Variants in SLC5A7 observed in about 807,000 individuals in gnomAD.
SLC5A7 encodes the protein solute carrier family 5 member 7.
A neutral mutation model predicts 55.4 loss-of-function variants in SLC5A7; 19 were observed. The observed-to-expected ratio is 0.34, with a 90% CI of 0.24 to 0.50. The LOEUF (loss-of-function observed/expected upper bound fraction) is 0.50, where lower values mean the gene tolerates loss of function less well. Among genes scored for constraint, SLC5A7 ranks in the 20% least tolerant of loss-of-function variants. The pLI, the probability that SLC5A7 is intolerant of heterozygous loss-of-function variation, is 0.98. For missense variants in SLC5A7, 506 were observed against 705.3 expected (o/e 0.72, Z 3.20); for synonymous variants, 265 against 263.7 (o/e 1.00, Z -0.05).
intron 6 of SLC5A7, among the ~76,000 whole-genome samples, chr2:108,003,665 C>A (rs576400677): frequency 3.9e-5 from 6 of 152,254 alleles, no homozygotes; most frequent in African/African-American, 1.2e-4. Context: ...CCCATGTTTG[C>A]TCTCTATTAG....
Position 108,008,474 on chromosome 2 carries a change from A to G in SLC5A7, c.905A>G (p.Gln302Arg). 2 of 1,613,406 alleles carry G rather than the reference A, an allele frequency of 1.2e-6. No individual in the cohort carries two copies. Among genetic ancestry groups the G allele is most frequent in the Non-Finnish European group, 1.7e-6 (2 of 1,179,660 alleles). The change falls in exon 8 of 9, where the codon CAG becomes CGG. Residue 302 changes from glutamine to arginine, a missense_variant. By Grantham distance (43) the Gln-to-Arg change is conservative. Around this residue, in one of 4 missense-constraint regions of SLC5A7, gnomAD observed 309 missense variants for 478.6 expected, o/e 0.65. Transcript: ENST00000264047. Reference sequence around the variant, plus strand: ...TGATTCTGTTCAACAGACTGGAACCAGACTGCATATGGGCTTCCAGATCCC... The same window carrying G: ...TGATTCTGTTCAACAGACTGGAACCGGACTGCATATGGGCTTCCAGATCCC... The part of the protein sequence containing the change: ...GAIGASTDWN[Q>R]TAYGLPDPKT...
At position 108,011,588 on chromosome 2, in the gene SLC5A7, T is replaced by A. The variant is rs1431550922; in HGVS notation, c.*727T>A. ...TGCATAAACAACAGTACCTGAAGGA[T>A]TATTAAGCAACCTTAAAGCAATAAG... On this transcript the variant is annotated 3_prime_UTR_variant, in exon 9 of 9. Coordinates refer to ENST00000264047, the MANE Select transcript of SLC5A7 (RefSeq NM_021815.5). 2.0e-5 allele frequency: 3 copies of A among 152,166 alleles called. No homozygotes were observed. The highest frequency in any genetic ancestry group is 4.4e-5 in the Non-Finnish European group (3 of 68,030). The allele number at this position is 152,166 out of a possible 1,614,324, so 9.4% of individuals were successfully genotyped here.
rs370808911 is a variant in SLC5A7 at position 107,998,000 on chromosome 2, C to A, written c.597+14C>A. On this transcript the variant is annotated intron_variant, in intron 5 of 8. Coordinates refer to ENST00000264047, the MANE Select transcript of SLC5A7 (RefSeq NM_021815.5). ...TTTGTAGGGCTGGTAAGTGGGAGCACCCAAGATTCTCCTCCTTTTTTTCTG... is the reference window on the plus strand; with the variant it reads ...TTTGTAGGGCTGGTAAGTGGGAGCAACCAAGATTCTCCTCCTTTTTTTCTG... 1.4e-4 allele frequency: 227 copies of A among 1,600,262 alleles called. 2 individuals are homozygous for A. The highest frequency in any genetic ancestry group is 1.9e-4 in the Non-Finnish European group (221 of 1,175,094).
chr2:107,999,440 G>T (rs546314068), intron 5 of SLC5A7, among the ~76,000 whole-genome samples: 1 of 152,260 alleles, frequency 6.6e-6, no homozygotes, highest in African/African-American at 2.4e-5. Context: ...TATGAGACTA[G>T]AACTTAAAAC....
chr2:108,001,808 G>A, intron 5 of SLC5A7, 89 bp from the exon 6 acceptor site: 1 of 1,400,102 alleles, frequency 7.1e-7, no homozygotes, highest in Non-Finnish European at 9.9e-7. Flanking sequence ...GAACTACTGA[G>A]CTGTGCAGTG....
At position 108,001,209 on chromosome 2, in the gene SLC5A7, A is replaced by ATGTGTG. The variant is rs141690168; in HGVS notation, c.598-674_598-669dup. On this transcript the variant is annotated intron_variant, in intron 5 of 8. Coordinates refer to ENST00000264047, the MANE Select transcript of SLC5A7 (RefSeq NM_021815.5). ...TCAATAGCTACGTATCTATTTATGT[A>ATGTGTG]TGTGTGTGTGTGTGTGTGTAGATAG... Among the ~76,000 whole-genome samples, 1,060 of 150,144 alleles carry ATGTGTG rather than the reference A, an allele frequency of 7.1e-3. 14 individuals carry two copies. The highest frequency in any genetic ancestry group is 0.023 in the African/African-American group (962 of 41,010).
intron 6 of SLC5A7, among the ~76,000 whole-genome samples, chr2:108,003,555 G>A (rs1021665039): frequency 5.9e-5 from 9 of 152,182 alleles, no homozygotes; most frequent in African/African-American, 1.4e-4. Context: ...TGATCTTCCA[G>A]TGGTCTCTCC....
intron 5 of SLC5A7, among the ~76,000 whole-genome samples, chr2:108,001,289 T>C (rs928011029): frequency 5.3e-5 from 8 of 152,198 alleles, no homozygotes; most frequent in African/African-American, 1.9e-4. Flanking sequence ...CATAGATAGA[T>C]TGACAGATAT....
intron 4 of SLC5A7, among the ~76,000 whole-genome samples, chr2:107,994,032 C>T (rs796921041): frequency 7.9e-5 from 12 of 152,264 alleles, no homozygotes; most frequent in African/African-American, 2.9e-4. Context: ...CATGCCTTAG[C>T]GTCTCCTCGA....
chr2:108,000,614 C>A (rs973172715), intron 5 of SLC5A7, among the ~76,000 whole-genome samples: 1 of 151,866 alleles, frequency 6.6e-6, no homozygotes, highest in Non-Finnish European at 1.5e-5. Context: ...TTTTCTTTTG[C>A]GACAGGATCT....
chr2:108,006,007 T>C, intron 6 of SLC5A7, 42 bp from the exon 7 acceptor site: 2 of 1,607,708 alleles, frequency 1.2e-6, no homozygotes, highest in South Asian at 1.1e-5. Flanking sequence ...TTTAAAAAAA[T>C]GAATAGATGT....
intron 6 of SLC5A7, among the ~76,000 whole-genome samples, chr2:108,003,427 T>A (rs2104367615): frequency 6.6e-6 from 1 of 152,312 alleles, no homozygotes; most frequent in Non-Finnish European, 1.5e-5. Flanking sequence ...CTCTAAAAAA[T>A]TATATGACTT....
chr2:107,991,901 A>ATTCAACATGTTTTCAT (rs1278346393), intron 2 of SLC5A7, among the ~76,000 whole-genome samples: 1 of 152,266 alleles, frequency 6.6e-6, no homozygotes, highest in Admixed American at 6.5e-5. Flanking sequence ...AACTCAATTC[A>ATTCAACATGTTTTCAT]TTCAACATGT....
rs202046349 is a variant in SLC5A7 at position 107,988,239 on chromosome 2, A to G, written c.84A>G (p.Arg28=). Residue 28 remains arginine, a synonymous_variant, in exon 2 of 9, where the codon AGA becomes AGG. Transcript: ENST00000264047. ...ILLVGIWAAW[R]TKNSGSAEER... ...TGGTTGGAATATGGGCTGCCTGGAG[A>G]ACCAAAAACAGTGGCAGCGCAGAAG... 1.2e-5 allele frequency: 19 copies of G among 1,613,950 alleles called. No homozygotes were observed. The highest frequency in any genetic ancestry group is 1.2e-5 in the Non-Finnish European group (14 of 1,179,974).
intron 3 of SLC5A7, 45 bp downstream of exon 3, chr2:107,992,264 C>T: frequency 1.7e-6 from 2 of 1,157,104 alleles, no homozygotes; most frequent in Non-Finnish European, 1.3e-6. Context: ...GTAAAGTATA[C>T]AGAACAAGAG....
chr2:108,004,615 G>A (rs967582311), intron 6 of SLC5A7, among the ~76,000 whole-genome samples: 1 of 152,200 alleles, frequency 6.6e-6, no homozygotes, highest in South Asian at 2.1e-4. Flanking sequence ...CTTTATGCCA[G>A]AAAGAGAAGT....
At chr2:107,990,233 G>A (rs1677400620) in intron 2 of SLC5A7, among the ~76,000 whole-genome samples, 1 of 152,248 alleles carries the variant, frequency 6.6e-6, no homozygotes, top group Non-Finnish European at 1.5e-5. Context: ...CAATTATAAA[G>A]GGGACTTTTA....
chr2:107,994,019 G>A (rs1301329314), intron 4 of SLC5A7, among the ~76,000 whole-genome samples: 1 of 152,158 alleles, frequency 6.6e-6, no homozygotes, highest in Admixed American at 6.5e-5. Flanking sequence ...GAGAAAGCTT[G>A]CCCATGCCTT....
chr2:107,993,170 C>T (rs1271454794), intron 4 of SLC5A7, 43 bp downstream of exon 4: 1 of 1,607,976 alleles, frequency 6.2e-7, no homozygotes, highest in Non-Finnish European at 8.5e-7. Context: ...TTGTAGTTAA[C>T]TAAACATCAG....
Sources: allele counts gnomAD v4.1 joint callset (sites outside exome capture counted in the v4.1 genomes callset), GRCh38; gene constraint gnomAD v4.1.1; regional missense constraint gnomAD v4.1.1; transcripts MANE v1.5; gene names NCBI Gene and HGNC (gene_info 2026-07-23, HGNC 2026-07-21).